Variants in GPC5 observed in about 807,000 individuals in gnomAD.
GPC5 encodes the protein glypican 5, also known as glypican-5.
In GPC5, 47 loss-of-function variants were observed where a neutral mutation model predicts 53.9. The observed-to-expected ratio is 0.87, with a 90% confidence interval of 0.69 to 1.11. GPC5 has a LOEUF of 1.11. Ranked by LOEUF, GPC5 falls within the 50% of genes most tolerant of loss-of-function variation. GPC5 has a pLI of 0.00. For missense variants in GPC5, 748 were observed against 713.1 expected (o/e 1.05, Z -0.56); for synonymous variants, 286 against 263.3 (o/e 1.09, Z -0.84).
intron 7 of GPC5, among the ~76,000 whole-genome samples, chr13:92,171,180 G>A (rs1292698083): frequency 6.6e-6 from 1 of 152,004 alleles, no homozygotes; most frequent in Non-Finnish European, 1.5e-5. Flanking sequence ...GGTAATAGCA[G>A]TGCCCTACCT....
intron 6 of GPC5, among the ~76,000 whole-genome samples, chr13:91,937,211 C>T (rs1192243417): frequency 6.6e-6 from 1 of 152,064 alleles, no homozygotes; most frequent in Non-Finnish European, 1.5e-5. Flanking sequence ...AAAGGTGTCC[C>T]ATTAGCTTGG....
chr13:92,356,396 C>T (rs565950017), intron 7 of GPC5, among the ~76,000 whole-genome samples: 1 of 152,274 alleles, frequency 6.6e-6, no homozygotes, highest in African/African-American at 2.4e-5. Flanking sequence ...TTATGCAGTG[C>T]TATTGCAGTA....
At chr13:92,693,804 T>A (rs1887481211) in intron 7 of GPC5, among the ~76,000 whole-genome samples, 1 of 152,146 alleles carries the variant, frequency 6.6e-6, no homozygotes, top group South Asian at 2.1e-4. Flanking sequence ...TGCACAAATT[T>A]GCATAAGTAA....
chr13:92,574,057 C>T (rs1883116838), intron 7 of GPC5, among the ~76,000 whole-genome samples: 1 of 152,102 alleles, frequency 6.6e-6, no homozygotes, highest in Non-Finnish European at 1.5e-5. Context: ...AATTACTCTC[C>T]CTCAGGCCTA....
At chr13:92,508,787 T>C (rs1481348558) in intron 7 of GPC5, among the ~76,000 whole-genome samples, 1 of 152,154 alleles carries the variant, frequency 6.6e-6, no homozygotes, top group Non-Finnish European at 1.5e-5. Context: ...AATAAAAATA[T>C]TGATGTGATT....
chr13:92,106,505 C>A (rs551328238), intron 6 of GPC5, among the ~76,000 whole-genome samples: 3 of 151,840 alleles, frequency 2.0e-5, no homozygotes, highest in Non-Finnish European at 2.9e-5. Context: ...ATGCTTAAGA[C>A]AATTTTATAT....
chr13:92,502,333 G>GA (rs371099535), intron 7 of GPC5, among the ~76,000 whole-genome samples: 526 of 150,188 alleles, frequency 3.5e-3, no homozygotes, highest in Non-Finnish European at 4.2e-3. Flanking sequence ...GGAATAATTG[G>GA]AAAAAAAATA....
At chr13:92,265,751 C>A (rs1344998354) in intron 7 of GPC5, among the ~76,000 whole-genome samples, 2 of 152,152 alleles carry the variant, frequency 1.3e-5, no homozygotes, top group African/African-American at 4.8e-5. Flanking sequence ...TATAGCAGCG[C>A]CCCACTTCTC....
intron 7 of GPC5, among the ~76,000 whole-genome samples, chr13:92,494,235 G>A (rs953911591): frequency 3.3e-5 from 5 of 151,728 alleles, no homozygotes; most frequent in South Asian, 2.1e-4. Context: ...GACTACAGGC[G>A]CCCGCCACTA....
chr13:91,419,511 TAGAA>T (rs1018368697), intron 1 of GPC5, among the ~76,000 whole-genome samples: 3 of 152,194 alleles, frequency 2.0e-5, no homozygotes, highest in African/African-American at 7.2e-5. Flanking sequence ...CAGCCATTAT[TAGAA>T]AGAGAAAGGA....
intron 4 of GPC5, among the ~76,000 whole-genome samples, chr13:91,738,870 A>T (rs1360511018): frequency 6.6e-6 from 1 of 151,342 alleles, no homozygotes; most frequent in Non-Finnish European, 1.5e-5. Flanking sequence ...CCCCAGGACA[A>T]CTACTGCTAT....
intron 7 of GPC5, among the ~76,000 whole-genome samples, chr13:92,532,341 C>T (rs912567634): frequency 3.3e-5 from 5 of 152,000 alleles, no homozygotes; most frequent in African/African-American, 9.7e-5. Flanking sequence ...TTATTAAAAT[C>T]GTGAAAACAA....
At chr13:91,539,151 A>AT (rs1236771718) in intron 2 of GPC5, among the ~76,000 whole-genome samples, 1 of 152,174 alleles carries the variant, frequency 6.6e-6, no homozygotes. Flanking sequence ...TTAGGGACCT[A>AT]TGCTTCATCT....
intron 4 of GPC5, among the ~76,000 whole-genome samples, chr13:91,737,928 A>G (rs1192900365): frequency 1.3e-5 from 2 of 151,396 alleles, no homozygotes; most frequent in Non-Finnish European, 2.9e-5. Flanking sequence ...AATTACATAT[A>G]TAGGAATGGG....
intron 7 of GPC5, among the ~76,000 whole-genome samples, chr13:92,212,079 CAAAAAA>C (rs769337977): frequency 4.5e-5 from 3 of 67,378 alleles, no homozygotes; most frequent in African/African-American, 1.6e-4. Flanking sequence ...CACAATAAAG[CAAAAAA>C]AAAAAAAAAA....
intron 7 of GPC5, among the ~76,000 whole-genome samples, chr13:92,730,198 A>G (rs946778749): frequency 3.3e-5 from 5 of 151,436 alleles, no homozygotes; most frequent in Non-Finnish European, 7.4e-5. Flanking sequence ...ATTTTTTAAT[A>G]GACTTCATTT....
intron 6 of GPC5, among the ~76,000 whole-genome samples, chr13:92,006,020 C>A (rs959757790): frequency 6.6e-6 from 1 of 152,058 alleles, no homozygotes; most frequent in African/African-American, 2.4e-5. Flanking sequence ...TAGCATCTAC[C>A]CCAAGACATG....
chr13:91,756,075 GAA>G (rs34332161), intron 4 of GPC5, among the ~76,000 whole-genome samples: 27 of 140,740 alleles, frequency 1.9e-4, no homozygotes, highest in East Asian at 1.0e-3. Context: ...CTTTTTTTTT[GAA>G]AAAAAAAAAA....
intron 7 of GPC5, among the ~76,000 whole-genome samples, chr13:92,342,481 T>A (rs1401736546): frequency 6.6e-6 from 1 of 152,082 alleles, no homozygotes; most frequent in Non-Finnish European, 1.5e-5. Context: ...GAGATTAGTG[T>A]CCTTATCAAA....
Sources: gnomAD v4.1 joint callset for allele counts (sites outside exome capture counted in the v4.1 genomes callset) on GRCh38, gnomAD v4.1.1 for gene constraint, MANE v1.5 for transcripts, NCBI Gene and HGNC (gene_info 2026-07-23, HGNC 2026-07-21) for gene names.